PRIM2: variants seen among roughly 807,000 people sequenced by gnomAD.
PRIM2 encodes DNA primase subunit 2, also known as DNA primase large subunit.
Under a neutral mutation model 67.3 loss-of-function variants are expected in PRIM2, and 39 were observed. That is an observed-to-expected ratio of 0.58 (90% CI 0.45 to 0.76). The LOEUF is 0.76. Among genes scored for constraint, PRIM2 ranks in the 30% least tolerant of loss-of-function variants. PRIM2 has a pLI of 0.00. For synonymous variants in PRIM2, 143 were observed against 198.7 expected (o/e 0.72, Z 2.36); for missense variants, 398 against 598.7 (o/e 0.66, Z 3.50).
At chr6:57,422,719 A>G (rs1168305943) in intron 7 of PRIM2, among the ~76,000 whole-genome samples, 1 of 151,734 alleles carries the variant, frequency 6.6e-6, no homozygotes, top group African/African-American at 2.4e-5. Context: ...TTTTTTTTAC[A>G]TGGTATGGCT....
chr6:57,559,394 T>G (rs2127477660), intron 10 of PRIM2, among the ~76,000 whole-genome samples: 1 of 152,252 alleles, frequency 6.6e-6, no homozygotes, highest in Non-Finnish European at 1.5e-5. Flanking sequence ...TTTGCAGTCT[T>G]TTTTTGGCTT....
At chr6:57,579,009 A>G (rs1239722084) in intron 10 of PRIM2, among the ~76,000 whole-genome samples, 1 of 152,040 alleles carries the variant, frequency 6.6e-6, no homozygotes, top group African/African-American at 2.4e-5. Flanking sequence ...CATCCTCCCT[A>G]GCACCACAAG....
the PRIM2 span, among the ~76,000 whole-genome samples, chr6:57,271,352 C>T: frequency 2.6e-5 from 4 of 152,186 alleles, no homozygotes; most frequent in South Asian, 4.2e-4. Context: ...CTGGTTTAGT[C>T]GTGGGAGGGT....
chr6:57,276,783 G>T, the PRIM2 span, among the ~76,000 whole-genome samples: 1 of 151,820 alleles, frequency 6.6e-6, no homozygotes, highest in African/African-American at 2.4e-5. Flanking sequence ...CATGTATTTG[G>T]GGGGCTCAGG....
At chr6:57,531,393 A>G (rs1774886574) in intron 8 of PRIM2, among the ~76,000 whole-genome samples, 1 of 152,296 alleles carries the variant, frequency 6.6e-6, no homozygotes, top group South Asian at 2.1e-4. Flanking sequence ...CTTTATGATC[A>G]TAATGACTCT....
chr6:57,322,102 G>A lies in PRIM2; in HGVS notation c.258+1542G>A, dbSNP rs989309783. ...TAGAAGATGTACTTTTTTAAAATGT[G>A]TAGCTGAAAAGAGAAGAGAAATAGG... On this transcript the variant is annotated intron_variant, in intron 3 of 13. Transcript: ENST00000615550. 3.8e-4 allele frequency among the ~76,000 whole-genome samples: 58 copies of A among 152,162 alleles called. 1 individual carries two copies. Among genetic ancestry groups the A allele is most frequent in the African/African-American group, 1.2e-3 (49 of 41,438 alleles).
chr6:57,274,882 T>C, the PRIM2 span, among the ~76,000 whole-genome samples: 2 of 151,982 alleles, frequency 1.3e-5, no homozygotes, highest in Non-Finnish European at 2.9e-5. Context: ...GTTCAAGTGA[T>C]TCCCCTGCCT....
chr6:57,303,136 T>G, the PRIM2 span, among the ~76,000 whole-genome samples: 3 of 152,266 alleles, frequency 2.0e-5, no homozygotes, highest in South Asian at 6.2e-4. Context: ...AGCTAAGATA[T>G]CCACATAAAA....
the PRIM2 span, among the ~76,000 whole-genome samples, chr6:57,235,487 TGC>T: frequency 6.7e-6 from 1 of 148,440 alleles, no homozygotes; most frequent in Non-Finnish European, 1.5e-5. Flanking sequence ...ATGAAAAAAA[TGC>T]TTAAATGTAG....
At chr6:57,436,594 G>T (rs1231289634) in intron 7 of PRIM2, among the ~76,000 whole-genome samples, 1 of 152,116 alleles carries the variant, frequency 6.6e-6, no homozygotes, top group East Asian at 1.9e-4. Flanking sequence ...AGCTCTTAAG[G>T]CTTTAAAAGT....
chr6:57,533,078 C>T (rs1378682872), intron 9 of PRIM2, among the ~76,000 whole-genome samples: 1 of 151,944 alleles, frequency 6.6e-6, no homozygotes, highest in African/African-American at 2.4e-5. Context: ...TTAAAGGCCC[C>T]ATCTCTAAAT....
At chr6:57,603,910 A>G (rs1343217677) in intron 11 of PRIM2, among the ~76,000 whole-genome samples, 3 of 152,140 alleles carry the variant, frequency 2.0e-5, no homozygotes, top group Non-Finnish European at 4.4e-5. Context: ...GCTTAGATGT[A>G]TTCCTAAATA....
At chr6:57,257,044 T>C in the PRIM2 span, among the ~76,000 whole-genome samples, 1 of 152,218 alleles carries the variant, frequency 6.6e-6, no homozygotes, top group South Asian at 2.1e-4. Flanking sequence ...TAGGTATTTT[T>C]GTTTTTCTTG....
chr6:57,454,806 A>G (rs1389183481), intron 7 of PRIM2, among the ~76,000 whole-genome samples: 112 of 151,658 alleles, frequency 7.4e-4, no homozygotes, highest in Non-Finnish European at 1.5e-3. Context: ...TCTGATCTTA[A>G]TTATTTCTTG....
chr6:57,368,293 A>G (rs1264903316), intron 5 of PRIM2, among the ~76,000 whole-genome samples: 1 of 152,068 alleles, frequency 6.6e-6, no homozygotes, highest in African/African-American at 2.4e-5. Context: ...TTAAAAAAAA[A>G]CATACAGCTC....
At chr6:57,550,768 A>C (rs1406617947) in intron 10 of PRIM2, among the ~76,000 whole-genome samples, 1 of 152,186 alleles carries the variant, frequency 6.6e-6, no homozygotes, top group Non-Finnish European at 1.5e-5. Context: ...CTCTTAGGGG[A>C]AAATGACAAT....
intron 12 of PRIM2, among the ~76,000 whole-genome samples, chr6:57,616,551 T>A (rs1265381477): frequency 1.3e-5 from 2 of 152,222 alleles, no homozygotes; most frequent in African/African-American, 4.8e-5. Flanking sequence ...TATAATGCAT[T>A]GTTGAAACAC....
chr6:57,506,310 T>C (rs1554347232), intron 7 of PRIM2, among the ~76,000 whole-genome samples: 4 of 152,054 alleles, frequency 2.6e-5, no homozygotes, highest in Admixed American at 6.5e-5. Flanking sequence ...CAACTTTTTT[T>C]CAAAAATATA....
intron 7 of PRIM2, among the ~76,000 whole-genome samples, chr6:57,456,449 A>C (rs756713576): frequency 6.6e-6 from 1 of 151,934 alleles, no homozygotes; most frequent in Non-Finnish European, 1.5e-5. Context: ...TGGTCTTTTC[A>C]CATAGTCCCA....
Sources: gnomAD v4.1 joint callset for allele counts (sites outside exome capture counted in the v4.1 genomes callset) on GRCh38, gnomAD v4.1.1 for gene constraint, MANE v1.5 for transcripts, NCBI Gene and HGNC (gene_info 2026-07-23, HGNC 2026-07-21) for gene names.